The following TGFBR1 variants were observed in gnomAD, a reference collection of about 807,000 sequenced individuals.
TGFBR1 encodes the protein transforming growth factor beta receptor 1.
In TGFBR1, 20 loss-of-function variants were observed where a neutral mutation model predicts 55.1. That is an observed-to-expected ratio of 0.36 (90% CI 0.26 to 0.53). The LOEUF is 0.53. Among genes scored for constraint, TGFBR1 ranks in the 20% least tolerant of loss-of-function variants. TGFBR1 has a pLI of 0.91. For missense variants in TGFBR1, 385 were observed against 617.6 expected (o/e 0.62, Z 3.99); for synonymous variants, 220 against 214.8 (o/e 1.02, Z -0.21).
In TGFBR1 at chr9:99,105,189, G is replaced by A. The variant is rs201177231; in HGVS notation, c.-17G>A. The A allele has an allele frequency of 2.1e-5, 23 of 1,084,986 alleles. No homozygotes were observed. Among genetic ancestry groups the A allele is most frequent in the Non-Finnish European group, 2.6e-5 (23 of 895,346 alleles). 67.2% of individuals were successfully genotyped at this position (1,084,986 alleles called of 1,614,324 possible). A position where few individuals can be genotyped will look rare whatever the true frequency, so the allele number is the denominator to read the frequency against. Reference sequence around the variant, plus strand: ...GCGGCCGGGCCGGGCCGGGCCACAGGCGGTGGCGGCGGGACCATGGAGGCG... The same window carrying A: ...GCGGCCGGGCCGGGCCGGGCCACAGACGGTGGCGGCGGGACCATGGAGGCG... On this transcript the variant is annotated 5_prime_UTR_variant, in exon 1 of 9. Coordinates refer to ENST00000374994, the MANE Select transcript of TGFBR1 (RefSeq NM_004612.4).
intron 1 of TGFBR1, among the ~76,000 whole-genome samples, chr9:99,125,538 G>C (rs1324367354): frequency 1.3e-5 from 2 of 152,136 alleles, no homozygotes; most frequent in African/African-American, 4.8e-5. Flanking sequence ...TAGGCTATTG[G>C]CTTTTGAATA....
upstream of TGFBR1, among the ~76,000 whole-genome samples, chr9:99,104,344 A>C (rs1167646723): frequency 6.6e-6 from 1 of 151,894 alleles, no homozygotes; most frequent in Admixed American, 6.6e-5. Context: ...GTTTGAGAGG[A>C]GTGCGGCTTG....
intron 8 of TGFBR1, among the ~76,000 whole-genome samples, chr9:99,148,505 TAA>T (rs1282677742): frequency 6.6e-6 from 1 of 152,182 alleles, no homozygotes; most frequent in Non-Finnish European, 1.5e-5. Flanking sequence ...AAAAAGGCTA[TAA>T]AAAGCTGTTC....
chr9:99,115,672 C>G (rs1453775564), intron 1 of TGFBR1, among the ~76,000 whole-genome samples: 1 of 152,088 alleles, frequency 6.6e-6, no homozygotes, highest in Non-Finnish European at 1.5e-5. Context: ...CTAATTGGGT[C>G]TCTTTGTTCA....
chr9:99,141,413 A>G (rs1827613018), intron 4 of TGFBR1, among the ~76,000 whole-genome samples: 1 of 152,190 alleles, frequency 6.6e-6, no homozygotes, highest in Admixed American at 6.5e-5. Flanking sequence ...TACCTTCAAA[A>G]TAGAAGCTGT....
Position 99,129,069 on chromosome 9 carries a change from C to G in TGFBR1, c.312C>G (p.Asp104Glu), listed in dbSNP as rs2118575024. 6.2e-7 allele frequency: 1 copy of G among 1,613,838 alleles called. No homozygotes were observed. The highest frequency in any genetic ancestry group is 8.5e-7 in the Non-Finnish European group (1 of 1,179,870). The change falls in exon 2 of 9, where the codon GAC (aspartate) becomes GAG (glutamate). Residue 104 changes from aspartate (D) to glutamate (E), a missense_variant. This residue lies in a region of TGFBR1 where 146 missense variants were observed against 167.7 expected (regional missense o/e 0.87). Transcript: ENST00000374994. ...CTACAACATATTGCTGCAATCAGGA[C>G]CATTGCAATAAAATAGAACTTCCAA... ...SVTTTYCCNQ[D>E]HCNKIELPTT...
At chr9:99,148,315 C>T (rs570593275) in intron 8 of TGFBR1, among the ~76,000 whole-genome samples, 1 of 152,248 alleles carries the variant, frequency 6.6e-6, no homozygotes, top group African/African-American at 2.4e-5. Context: ...TGCTTTTTTC[C>T]AGCAGTATCT....
chr9:99,107,100 A>G (rs1375746982), intron 1 of TGFBR1, among the ~76,000 whole-genome samples: 1 of 152,236 alleles, frequency 6.6e-6, no homozygotes, highest in African/African-American at 2.4e-5. Flanking sequence ...GACACAGAAC[A>G]TTGCTCAGTC....
intron 1 of TGFBR1, among the ~76,000 whole-genome samples, chr9:99,108,066 C>T (rs943023879): frequency 6.6e-6 from 1 of 152,164 alleles, no homozygotes; most frequent in African/African-American, 2.4e-5. Flanking sequence ...CTTTTGTGGC[C>T]TCAGAACTTA....
At position 99,152,709 on chromosome 9, in the gene TGFBR1, G is replaced by T. The variant is rs1828012574; in HGVS notation, c.*3404G>T. 2 of 226,092 alleles carry T rather than the reference G, an allele frequency of 8.8e-6. No individual in the cohort carries two copies. The highest frequency in any genetic ancestry group is 5.7e-5 in the Admixed American group (1 of 17,532). The allele number at this position is 226,092 out of a possible 1,614,324, so 14.0% of individuals were successfully genotyped here. A position where few individuals can be genotyped will look rare whatever the true frequency, so the allele number is the denominator to read the frequency against. On this transcript the variant is annotated 3_prime_UTR_variant, in exon 9 of 9. Transcript: ENST00000374994. Reference sequence around the variant, plus strand: ...GTTTCTTGACCATGGCAGTGTTCTGGCTCCAAATGGTAGTGATTCCAAATA... The same window carrying T: ...GTTTCTTGACCATGGCAGTGTTCTGTCTCCAAATGGTAGTGATTCCAAATA...
At chr9:99,110,172 A>G (rs2118256298) in intron 1 of TGFBR1, among the ~76,000 whole-genome samples, 1 of 152,286 alleles carries the variant, frequency 6.6e-6, no homozygotes, top group South Asian at 2.1e-4. Context: ...TTTATGGTCC[A>G]ATTTTATAGA....
rs779055286 is a variant in TGFBR1 at position 99,128,856 on chromosome 9, G to T, written c.99G>T (p.Ala33=). ...CTAAGAATCTTTCTCTTTTTCCAGC[G>T]TTACAGTGTTTCTGCCACCTCTGTA... The part of the protein sequence containing the change: ...AAAALLPGAT[A]LQCFCHLCTK... Residue 33 remains alanine, a splice_region_variant and synonymous_variant, in exon 2 of 9, where the codon GCG becomes GCT. Transcript: ENST00000374994. 1.9e-6 allele frequency: 3 copies of T among 1,613,548 alleles called. No individual in the cohort carries two copies. Among genetic ancestry groups the T allele is most frequent in the Non-Finnish European group, 2.5e-6 (3 of 1,179,840 alleles).
chr9:99,126,686 A>G (rs912338381), intron 1 of TGFBR1, among the ~76,000 whole-genome samples: 3 of 152,176 alleles, frequency 2.0e-5, no homozygotes, highest in African/African-American at 7.2e-5. Flanking sequence ...GTACCTCTGA[A>G]GCCAGTCCAT....
chr9:99,113,539 C>T (rs1826645467), intron 1 of TGFBR1, among the ~76,000 whole-genome samples: 1 of 152,280 alleles, frequency 6.6e-6, no homozygotes, highest in African/African-American at 2.4e-5. Flanking sequence ...TAAGCACCAA[C>T]ATATCTGGCT....
intron 1 of TGFBR1, among the ~76,000 whole-genome samples, chr9:99,124,623 T>A (rs1436024315): frequency 6.6e-6 from 1 of 152,132 alleles, no homozygotes; most frequent in Non-Finnish European, 1.5e-5. Flanking sequence ...TGGAAAAAAT[T>A]AAGTTCTTAT....
chr9:99,112,915 A>G (rs1826627211), intron 1 of TGFBR1, among the ~76,000 whole-genome samples: 1 of 144,100 alleles, frequency 6.9e-6, no homozygotes, highest in Admixed American at 7.0e-5. Context: ...TCTAGCATTC[A>G]CCTCATATTC....
chr9:99,129,720 C>G (rs2118586024), intron 2 of TGFBR1, among the ~76,000 whole-genome samples: 1 of 152,060 alleles, frequency 6.6e-6, no homozygotes, highest in East Asian at 1.9e-4. Flanking sequence ...GCCAACATGG[C>G]AAAACCCTAT....
rs199904970 is a variant in TGFBR1, at chr9:99,129,091, C to A, written c.334C>A (p.Pro112Thr). The A allele has an allele frequency of 6.2e-7, 1 of 1,613,860 alleles. No homozygotes were observed. The highest frequency in any genetic ancestry group is 8.5e-7 in the Non-Finnish European group (1 of 1,179,884). ...NQDHCNKIELPTTVKSSPGLG... is the reference protein window; with the variant it reads ...NQDHCNKIELTTTVKSSPGLG... ...GGACCATTGCAATAAAATAGAACTTCCAACTACTGGTAAGTTGTATAAAAT... is the reference window on the plus strand; with the variant it reads ...GGACCATTGCAATAAAATAGAACTTACAACTACTGGTAAGTTGTATAAAAT... The change falls in exon 2 of 9, where the codon CCA (proline) becomes ACA (threonine). Residue 112 changes from proline (P) to threonine (T), a missense_variant. Physicochemically the swap from Pro to Thr is conservative, Grantham distance 38 (BLOSUM62 -1). Around this residue, in one of 5 missense-constraint regions of TGFBR1, gnomAD observed 146 missense variants for 167.7 expected, o/e 0.87. Transcript: ENST00000374994.
rs200018073 is a variant in TGFBR1 at position 99,137,897 on chromosome 9, A to G, written c.613A>G (p.Ile205Val). 4.5e-5 allele frequency: 73 copies of G among 1,613,898 alleles called. No individual in the cohort carries two copies. The highest frequency in any genetic ancestry group is 5.8e-5 in the Non-Finnish European group (68 of 1,179,942). ...TGTTCAGAGAACAATTGCGAGAACT[A>G]TTGTGTTACAAGAAAGCATTGGCAA... ...LLVQRTIARTIVLQESIGKGR... is the reference protein window; with the variant it reads ...LLVQRTIARTVVLQESIGKGR... Residue 205 changes from isoleucine to valine, a missense_variant, in exon 4 of 9, where the codon ATT (isoleucine) becomes GTT (valine). Physicochemically the swap from Ile to Val is conservative, Grantham distance 29 (BLOSUM62 3). Coordinates refer to ENST00000374994, the MANE Select transcript of TGFBR1 (RefSeq NM_004612.4).
Sources: gnomAD v4.1 joint callset for allele counts (sites outside exome capture counted in the v4.1 genomes callset) on GRCh38, gnomAD v4.1.1 for gene constraint, gnomAD v4.1.1 regional missense constraint, MANE v1.5 for transcripts, NCBI Gene and HGNC (gene_info 2026-07-23, HGNC 2026-07-21) for gene names.